Variants in HTR1E observed in about 807,000 individuals in gnomAD.
HTR1E encodes the protein 5-hydroxytryptamine receptor 1E.
A neutral mutation model predicts 3.4 loss-of-function variants in HTR1E; 3 were observed. The observed-to-expected ratio is 0.89, with a 90% CI of 0.41 to 2.31. The LOEUF is 2.31. Ranked by LOEUF, HTR1E falls within the 30% of genes most tolerant of loss-of-function variation. HTR1E has a pLI of 0.05. For missense variants in HTR1E, 392 were observed against 467.0 expected (o/e 0.84, Z 1.48); for synonymous variants, 170 against 182.8 (o/e 0.93, Z 0.56).
chr6:86,990,089 A>G (rs1767851887), intron 1 of HTR1E, among the ~76,000 whole-genome samples: 1 of 152,232 alleles, frequency 6.6e-6, no homozygotes, highest in Admixed American at 6.5e-5. Context: ...GTCTGCCACA[A>G]AAGCATGTTG....
intron 1 of HTR1E, among the ~76,000 whole-genome samples, chr6:86,998,990 C>T (rs569368560): frequency 2.6e-5 from 4 of 152,232 alleles, no homozygotes; most frequent in Non-Finnish European, 5.9e-5. Context: ...AACAGAGTCT[C>T]GCCCTGTCAC....
At chr6:86,984,587 C>T (rs1053664800) in intron 1 of HTR1E, among the ~76,000 whole-genome samples, 1 of 152,158 alleles carries the variant, frequency 6.6e-6, no homozygotes, top group African/African-American at 2.4e-5. Context: ...AGTACTGTAA[C>T]AAATAAACCC....
chr6:86,945,340 T>G (rs1768600909), intron 1 of HTR1E, among the ~76,000 whole-genome samples: 1 of 152,110 alleles, frequency 6.6e-6, no homozygotes, highest in East Asian at 1.9e-4. Flanking sequence ...CCTCCCAGGT[T>G]CAAGCAATTC....
At chr6:86,947,947 C>T (rs182777728) in intron 1 of HTR1E, among the ~76,000 whole-genome samples, 10 of 152,170 alleles carry the variant, frequency 6.6e-5, no homozygotes, top group Admixed American at 3.3e-4. Context: ...ACATGTGCCA[C>T]GGTGGTTCAC....
chr6:86,949,573 T>A (rs1409906659), intron 1 of HTR1E, among the ~76,000 whole-genome samples: 1 of 152,148 alleles, frequency 6.6e-6, no homozygotes, highest in Non-Finnish European at 1.5e-5. Context: ...ATCCACATAA[T>A]TGAACATTTC....
intron 1 of HTR1E, among the ~76,000 whole-genome samples, chr6:86,939,909 T>A (rs769798943): frequency 6.6e-6 from 1 of 152,204 alleles, no homozygotes; most frequent in South Asian, 2.1e-4. Flanking sequence ...CATTCTGGTG[T>A]CTATACAAAA....
At chr6:86,976,310 G>C in intron 1 of HTR1E, among the ~76,000 whole-genome samples, 1 of 152,184 alleles carries the variant, frequency 6.6e-6, no homozygotes, top group East Asian at 1.9e-4. Flanking sequence ...GCATTCAGGA[G>C]AGTCTGACTT....
At chr6:86,949,762 A>T (rs1767200634) in intron 1 of HTR1E, among the ~76,000 whole-genome samples, 1 of 152,154 alleles carries the variant, frequency 6.6e-6, no homozygotes, top group African/African-American at 2.4e-5. Flanking sequence ...ACATTTTATT[A>T]TTATAATTTC....
chr6:86,945,721 G>GT (rs1197332670), intron 1 of HTR1E, among the ~76,000 whole-genome samples: 4 of 151,772 alleles, frequency 2.6e-5, no homozygotes, highest in African/African-American at 4.8e-5. Flanking sequence ...GGGGTTTTTT[G>GT]TTTTGTTTTT....
At chr6:86,974,780 AT>A (rs1481728415) in intron 1 of HTR1E, among the ~76,000 whole-genome samples, 1 of 152,096 alleles carries the variant, frequency 6.6e-6, no homozygotes, top group Non-Finnish European at 1.5e-5. Flanking sequence ...CTCACTGTTT[AT>A]TTTATTCTAT....
At chr6:86,941,882 G>A (rs1768551378) in intron 1 of HTR1E, among the ~76,000 whole-genome samples, 2 of 151,680 alleles carry the variant, frequency 1.3e-5, no homozygotes, top group South Asian at 4.1e-4. Context: ...AGGAAGGAAG[G>A]AAGGAAGGGA....
At chr6:86,994,747 T>C (rs1767912729) in intron 1 of HTR1E, among the ~76,000 whole-genome samples, 1 of 152,192 alleles carries the variant, frequency 6.6e-6, no homozygotes, top group African/African-American at 2.4e-5. Flanking sequence ...GTTTTCTAAA[T>C]TATGTTTGAT....
At chr6:86,953,234 T>A (rs1413920706) in intron 1 of HTR1E, among the ~76,000 whole-genome samples, 1 of 152,218 alleles carries the variant, frequency 6.6e-6, no homozygotes, top group Non-Finnish European at 1.5e-5. Context: ...AGGAGTTTAC[T>A]GGAAGGGTTC....
chr6:86,960,503 C>T (rs1480769478), intron 1 of HTR1E, among the ~76,000 whole-genome samples: 1 of 151,590 alleles, frequency 6.6e-6, no homozygotes, highest in African/African-American at 2.4e-5. Context: ...ATTATTCCAC[C>T]TGGTGAACTT....
At chr6:87,005,478 T>G (rs1221114920) in intron 1 of HTR1E, among the ~76,000 whole-genome samples, 2 of 152,102 alleles carry the variant, frequency 1.3e-5, no homozygotes, top group African/African-American at 4.8e-5. Context: ...GCTGAGAACA[T>G]ACATGAGGAA....
chr6:86,941,934 A>G (rs554964288), intron 1 of HTR1E, among the ~76,000 whole-genome samples: 1 of 152,208 alleles, frequency 6.6e-6, no homozygotes, highest in South Asian at 2.1e-4. Flanking sequence ...GGTCAGGGAA[A>G]AGTTTTATTA....
intron 1 of HTR1E, among the ~76,000 whole-genome samples, chr6:86,969,130 C>T (rs867067501): frequency 3.3e-5 from 5 of 151,970 alleles, no homozygotes; most frequent in South Asian, 4.1e-4. Context: ...AGTTTAGAAA[C>T]GCAGACATTC....
intron 1 of HTR1E, among the ~76,000 whole-genome samples, chr6:87,011,967 C>T (rs913122854): frequency 5.9e-5 from 9 of 152,072 alleles, no homozygotes; most frequent in Admixed American, 4.6e-4. Flanking sequence ...AGACTTGGGC[C>T]AGAAGTTCTG....
chr6:86,941,060 T>C (rs1366517217), intron 1 of HTR1E, among the ~76,000 whole-genome samples: 1 of 152,250 alleles, frequency 6.6e-6, no homozygotes, highest in Non-Finnish European at 1.5e-5. Context: ...AGCAGCACTT[T>C]AGAGTGACTT....
Sources: gnomAD v4.1 joint callset for allele counts (sites outside exome capture counted in the v4.1 genomes callset) on GRCh38, gnomAD v4.1.1 for gene constraint, MANE v1.5 for transcripts, NCBI Gene and HGNC (gene_info 2026-07-23, HGNC 2026-07-21) for gene names.